Variants in CCPG1 observed in about 807,000 individuals in gnomAD.
CCPG1 encodes cell cycle progression protein 1.
CCPG1 carries 46 observed loss-of-function variants against 81.3 expected under a neutral mutation model. The observed-to-expected ratio is 0.57, with a 90% CI of 0.45 to 0.72. The LOEUF is 0.72. CCPG1 is among the 30% of genes least tolerant of loss of function. The pLI is 0.00. For missense variants in CCPG1, 902 were observed against 937.6 expected (o/e 0.96, Z 0.50); for synonymous variants, 330 against 305.2 (o/e 1.08, Z -0.85).
chr15:55,390,080 C>T (rs763895699), intron 1 of CCPG1, among the ~76,000 whole-genome samples: 9 of 152,178 alleles, frequency 5.9e-5, no homozygotes, highest in East Asian at 1.9e-4. Flanking sequence ...CGTGCCACCA[C>T]GCCCCACTAA....
intron 1 of CCPG1, among the ~76,000 whole-genome samples, chr15:55,406,317 A>G (rs1386331398): frequency 6.6e-6 from 1 of 151,926 alleles, no homozygotes. Flanking sequence ...TCCTTTTTTA[A>G]AAGTTTTTTC....
chr15:55,389,787 T>C (rs2056878323), intron 1 of CCPG1, among the ~76,000 whole-genome samples: 1 of 152,192 alleles, frequency 6.6e-6, no homozygotes, highest in South Asian at 2.1e-4. Flanking sequence ...AGGACTCTAT[T>C]TTCAATGAAC....
At chr15:55,390,214 G>T (rs538316315) in intron 1 of CCPG1, among the ~76,000 whole-genome samples, 20 of 152,218 alleles carry the variant, frequency 1.3e-4, no homozygotes, top group African/African-American at 4.6e-4. Context: ...GAACCACTGC[G>T]CCCGGCAATC....
chr15:55,361,706 A>G (rs11856703), intron 7 of CCPG1, among the ~76,000 whole-genome samples: 2 of 151,266 alleles, frequency 1.3e-5, no homozygotes, highest in East Asian at 3.9e-4. Context: ...CTCTGTCTCA[A>G]AAAAAAAACA....
At chr15:55,361,232 A>G (rs1007378318) in intron 7 of CCPG1, among the ~76,000 whole-genome samples, 1 of 151,286 alleles carries the variant, frequency 6.6e-6, no homozygotes, top group Non-Finnish European at 1.5e-5. Flanking sequence ...CAGTGGCGCA[A>G]TCTCGGCTCA....
intron 5 of CCPG1, chr15:55,374,020 T>G (rs2056507122): frequency 2.9e-6 from 1 of 345,330 alleles, no homozygotes; most frequent in Non-Finnish European, 5.3e-6. Context: ...CTTGGCCAGC[T>G]CCTTTACAAG....
intron 1 of CCPG1, among the ~76,000 whole-genome samples, chr15:55,407,619 G>A (rs564947675): frequency 6.6e-6 from 1 of 152,218 alleles, no homozygotes; most frequent in Non-Finnish European, 1.5e-5. Context: ...GCATGGGACA[G>A]CTGCTAATGA....
At chr15:55,374,915 T>G (rs1283889453) in intron 5 of CCPG1, among the ~76,000 whole-genome samples, 2 of 152,228 alleles carry the variant, frequency 1.3e-5, no homozygotes, top group Admixed American at 6.5e-5. Context: ...TCTGCCTGCC[T>G]CAGTCTCCCA....
rs188695490 is a variant in CCPG1, at chr15:55,364,315, A to T, written c.828+873T>A. Among the ~76,000 whole-genome samples the T allele has an allele frequency of 3.1e-3, 473 of 150,688 alleles. 14 individuals carry two copies. The highest frequency in any genetic ancestry group is 0.01 in the African/African-American group (427 of 41,350). Reference sequence around the variant, plus strand: ...CTCTCCCTTCCATCAGAATAAAAAAAAACAATGGAAAGGAATAGCTATGTC... The same window carrying T: ...CTCTCCCTTCCATCAGAATAAAAAATAACAATGGAAAGGAATAGCTATGTC... On this transcript the variant is annotated intron_variant, in intron 7 of 8. Coordinates refer to ENST00000442196, the MANE Select transcript of CCPG1 (RefSeq NM_001204450.2).
chr15:55,376,621 T>C (rs1366198685), intron 5 of CCPG1, among the ~76,000 whole-genome samples: 1 of 152,172 alleles, frequency 6.6e-6, no homozygotes, highest in African/African-American at 2.4e-5. Flanking sequence ...AGCAAAAATA[T>C]TAACATCCCC....
At chr15:55,374,369 A>G (rs1318040455) in intron 5 of CCPG1, 1 of 503,964 alleles carries the variant, frequency 2.0e-6, no homozygotes, top group African/African-American at 2.0e-5. Flanking sequence ...CAAAATTAAA[A>G]CGTAATAACC....
At chr15:55,356,623 T>A (rs1948069025) in intron 8 of CCPG1, 1 of 1,231,388 alleles carries the variant, frequency 8.1e-7, no homozygotes, top group Non-Finnish European at 1.0e-6. Flanking sequence ...ATAACTCTAC[T>A]GGCAAAAAAG....
At position 55,376,162 on chromosome 15, in the gene CCPG1, C is replaced by A. The variant is rs997801715; in HGVS notation, c.454+787G>T. 5.3e-5 allele frequency among the ~76,000 whole-genome samples: 8 copies of A among 152,302 alleles called. 1 individual carries two copies. The highest frequency in any genetic ancestry group is 4.6e-4 in the Admixed American group (7 of 15,274). On this transcript the variant is annotated intron_variant, in intron 5 of 8. Transcript: ENST00000442196. ...TCAAATTAGGAAATTTTTAGAATCA[C>A]TAGCAGTGTTTCAAGTTGTCTCTGC... is the stretch of plus-strand genomic sequence containing the variant.
At chr15:55,380,832 G>A (rs1313051853) in intron 3 of CCPG1, among the ~76,000 whole-genome samples, 1 of 144,040 alleles carries the variant, frequency 6.9e-6, no homozygotes, top group Non-Finnish European at 1.5e-5. Context: ...GACCAACATA[G>A]TGAAATCCCG....
intron 2 of CCPG1, among the ~76,000 whole-genome samples, chr15:55,386,690 C>A (rs1275190274): frequency 6.6e-6 from 1 of 151,842 alleles, no homozygotes; most frequent in African/African-American, 2.4e-5. Context: ...GTCAGGAGAT[C>A]GAGACCATCC....
chr15:55,394,662 T>A (rs1194523069), intron 1 of CCPG1, among the ~76,000 whole-genome samples: 1 of 152,132 alleles, frequency 6.6e-6, no homozygotes, highest in East Asian at 1.9e-4. Context: ...ACCAGCCAAT[T>A]ATCCCACAGA....
At chr15:55,370,328 A>G (rs887997402) in intron 6 of CCPG1, among the ~76,000 whole-genome samples, 1 of 152,244 alleles carries the variant, frequency 6.6e-6, no homozygotes, top group African/African-American at 2.4e-5. Context: ...TGGATTATGC[A>G]GGCAAAAAAA....
In CCPG1 at chr15:55,356,126, T is replaced by C. The variant is rs915425111; in HGVS notation, c.*94A>G. The C allele has an allele frequency of 5.7e-5, 52 of 914,688 alleles. No homozygotes were observed. The highest frequency in any genetic ancestry group is 6.9e-5 in the African/African-American group (4 of 58,328). 56.7% of individuals were successfully genotyped at this position (914,688 alleles called of 1,614,324 possible). ...ATACTTAGAAACAAAAGAAAAGACA[T>C]TGTCATCTTGGTAATTTCATTAGTT... On this transcript the variant is annotated 3_prime_UTR_variant, in exon 9 of 9. Coordinates refer to ENST00000442196, the MANE Select transcript of CCPG1 (RefSeq NM_001204450.2).
At chr15:55,369,128 A>G (rs976301821) in intron 6 of CCPG1, among the ~76,000 whole-genome samples, 10 of 151,772 alleles carry the variant, frequency 6.6e-5, no homozygotes, top group African/African-American at 2.4e-4. Flanking sequence ...AAATAAAATT[A>G]TAAAGTGAAT....
Sources: allele counts gnomAD v4.1 joint callset (sites outside exome capture counted in the v4.1 genomes callset), GRCh38; gene constraint gnomAD v4.1.1; transcripts MANE v1.5; gene names NCBI Gene and HGNC (gene_info 2026-07-23, HGNC 2026-07-21).